Variants in CSMD2 observed in about 807,000 individuals in gnomAD.
CSMD2 encodes CUB and Sushi multiple domains 2.
A neutral mutation model predicts 398.5 loss-of-function variants in CSMD2; 130 were observed. The ratio of observed to expected loss-of-function variants is 0.33; its 90% confidence interval spans 0.28 to 0.38. The LOEUF (loss-of-function observed/expected upper bound fraction) is 0.38. Ranked by LOEUF, CSMD2 falls within the 10% of genes least tolerant of loss-of-function variation. The pLI is 1.00. For synonymous variants in CSMD2, 1,828 were observed against 1,908.5 expected (o/e 0.96, Z 1.10); for missense variants, 3,829 against 4,764.9 (o/e 0.80, Z 5.78).
chr1:33,589,592 A>T (rs542685332), intron 44 of CSMD2, among the ~76,000 whole-genome samples: 1 of 152,312 alleles, frequency 6.6e-6, no homozygotes, highest in Non-Finnish European at 1.5e-5. Flanking sequence ...GTTGTGATGA[A>T]CCAATATGTT....
chr1:33,601,086 C>T, intron 43 of CSMD2, 76 bp from the exon 44 acceptor site: 1 of 1,582,000 alleles, frequency 6.3e-7, no homozygotes, highest in African/African-American at 1.3e-5. Flanking sequence ...CATCAGTGGC[C>T]TTAAGACAGA....
chr1:33,888,210 A>T (rs1641729551), intron 5 of CSMD2, among the ~76,000 whole-genome samples: 2 of 152,208 alleles, frequency 1.3e-5, no homozygotes, highest in African/African-American at 4.8e-5. Flanking sequence ...AAATTCAGTG[A>T]AATTTCAACG....
chr1:33,988,579 G>A (rs1646439248), intron 3 of CSMD2, among the ~76,000 whole-genome samples: 1 of 152,050 alleles, frequency 6.6e-6, no homozygotes, highest in Non-Finnish European at 1.5e-5. Flanking sequence ...TATTATTTTG[G>A]GTTAAGTTGT....
rs1659185456 is a variant in CSMD2, at chr1:33,567,718, C to T, written c.8255G>A (p.Gly2752Glu). 1 of 1,614,010 alleles carries T rather than the reference C, an allele frequency of 6.2e-7. No homozygotes were observed. Among genetic ancestry groups the T allele is most frequent in the African/African-American group, 1.3e-5 (1 of 74,924 alleles). Residue 2752 changes from glycine (G) to glutamate (E), a missense_variant, in exon 53 of 71, where the codon GGG becomes GAG. Gly to Glu is a moderately conservative substitution (Grantham distance 98, BLOSUM62 -2). Around this residue, in one of 5 missense-constraint regions of CSMD2, gnomAD observed 917 missense variants for 1,199.5 expected, o/e 0.76. Coordinates refer to ENST00000373381, the MANE Select transcript of CSMD2 (RefSeq NM_001281956.2). The part of the protein sequence containing the change: ...PEPIVNGHIN[G>E]ENYSYRGSVV... ...ACTGCCCCGGTAGCTGTAGTTCTCC[C>T]CATTGATGTGTCCGTTGACAATGGG...
At chr1:33,888,997 C>T (rs1641798577) in intron 5 of CSMD2, among the ~76,000 whole-genome samples, 1 of 152,112 alleles carries the variant, frequency 6.6e-6, no homozygotes, top group South Asian at 2.1e-4. Flanking sequence ...GTCTCCATCT[C>T]CTGACCTTGT....
At chr1:33,908,002 ACT>A (rs1643209283) in intron 5 of CSMD2, among the ~76,000 whole-genome samples, 1 of 147,416 alleles carries the variant, frequency 6.8e-6, no homozygotes, top group Admixed American at 6.9e-5. Context: ...CAAGAGAATC[ACT>A]TGAACCTGGG....
chr1:34,113,245 T>C (rs1661271035), intron 1 of CSMD2, among the ~76,000 whole-genome samples: 1 of 152,194 alleles, frequency 6.6e-6, no homozygotes, highest in Non-Finnish European at 1.5e-5. Context: ...TATCTCCCCA[T>C]GCCCTCCAAG....
intron 5 of CSMD2, among the ~76,000 whole-genome samples, chr1:33,879,936 T>C (rs916732796): frequency 7.9e-5 from 12 of 152,234 alleles, no homozygotes; most frequent in African/African-American, 2.9e-4. Context: ...GTTTATAATA[T>C]GTTAAGTTCT....
chr1:33,700,419 C>A, intron 23 of CSMD2, 98 bp downstream of exon 23: 2 of 1,326,024 alleles, frequency 1.5e-6, no homozygotes, highest in Non-Finnish European at 2.1e-6. Context: ...GTCTTAAGAG[C>A]ACATTCTTTG....
At chr1:34,052,495 C>CTGTGTGTGTGTGTGTGTGTGTGTG (rs143571706) in intron 2 of CSMD2, among the ~76,000 whole-genome samples, 12 of 134,172 alleles carry the variant, frequency 8.9e-5, no homozygotes, top group African/African-American at 3.4e-4. Context: ...TATGGGACAA[C>CTGTGTGTGTGTGTGTGTGTGTGTG]TGTGTGTGTG....
intron 5 of CSMD2, among the ~76,000 whole-genome samples, chr1:33,903,615 C>G (rs1244457410): frequency 1.3e-5 from 2 of 152,164 alleles, no homozygotes; most frequent in Non-Finnish European, 2.9e-5. Flanking sequence ...ACAAACCAAC[C>G]TTGGATACCT....
intron 22 of CSMD2, among the ~76,000 whole-genome samples, chr1:33,706,804 G>GTGCA (rs1340294546): frequency 2.0e-5 from 3 of 151,546 alleles, no homozygotes; most frequent in African/African-American, 7.3e-5. Flanking sequence ...GTGTGTGCGC[G>GTGCA]TGCATGTGTT....
At chr1:33,924,398 C>CAT (rs1371601876) in intron 4 of CSMD2, among the ~76,000 whole-genome samples, 2 of 152,136 alleles carry the variant, frequency 1.3e-5, no homozygotes, top group East Asian at 3.8e-4. Flanking sequence ...CACATACACA[C>CAT]ATATATATTA....
chr1:33,918,817 G>A (rs530475375), intron 4 of CSMD2, among the ~76,000 whole-genome samples: 1 of 152,298 alleles, frequency 6.6e-6, no homozygotes, highest in Non-Finnish European at 1.5e-5. Flanking sequence ...CCAGCCACCT[G>A]CATAACTTTG....
chr1:34,063,720 G>T (rs1654787328), intron 2 of CSMD2, among the ~76,000 whole-genome samples: 1 of 152,304 alleles, frequency 6.6e-6, no homozygotes, highest in Admixed American at 6.5e-5. Flanking sequence ...CTGGGGTCTG[G>T]AAGATGGTGG....
At chr1:33,755,464 G>A (rs974510026) in intron 13 of CSMD2, among the ~76,000 whole-genome samples, 1 of 152,124 alleles carries the variant, frequency 6.6e-6, no homozygotes, top group African/African-American at 2.4e-5. Context: ...TTAACTTTAG[G>A]CTCCTTTCTT....
intron 28 of CSMD2, among the ~76,000 whole-genome samples, chr1:33,648,812 A>C (rs1208107633): frequency 6.6e-6 from 1 of 152,206 alleles, no homozygotes; most frequent in Non-Finnish European, 1.5e-5. Flanking sequence ...TCCACTTTAC[A>C]GTCCTGATTT....
At position 33,580,762 on chromosome 1, in the gene CSMD2, G is replaced by T; in HGVS notation, c.7378C>A (p.Arg2460Ser). ...TGTTTTTTTCACTCACCTGAATAGCGGATCTTGAAGCCCTTCCGATTGTAG... is the reference window on the plus strand; with the variant it reads ...TGTTTTTTTCACTCACCTGAATAGCTGATCTTGAAGCCCTTCCGATTGTAG... ...HAYNRKGFKI[R>S]YSAPYCSLPR... Residue 2460 changes from arginine to serine, a missense_variant, in exon 48 of 71, where the codon CGC becomes AGC. Physicochemically the swap from Arg to Ser is moderately radical, Grantham distance 110. Transcript: ENST00000373381. The T allele has an allele frequency of 6.2e-7, 1 of 1,614,154 alleles. No individual in the cohort carries two copies. Among genetic ancestry groups the T allele is most frequent in the Non-Finnish European group, 8.5e-7 (1 of 1,180,030 alleles).
chr1:33,911,813 G>T (rs1047449438), intron 5 of CSMD2, among the ~76,000 whole-genome samples: 6 of 152,184 alleles, frequency 3.9e-5, no homozygotes, highest in Admixed American at 2.0e-4. Context: ...AGATGCCTAG[G>T]CTCAAAGGTA....
Sources: allele counts gnomAD v4.1 joint callset (sites outside exome capture counted in the v4.1 genomes callset), GRCh38; gene constraint gnomAD v4.1.1; regional missense constraint gnomAD v4.1.1; transcripts MANE v1.5; gene names NCBI Gene and HGNC (gene_info 2026-07-23, HGNC 2026-07-21).